The following KLHL9 variants were observed in gnomAD, a reference collection of about 807,000 sequenced individuals.
The protein encoded by KLHL9 is kelch-like protein 9.
In KLHL9, 27 loss-of-function variants were observed where a neutral mutation model predicts 42.3. The ratio of observed to expected loss-of-function variants is 0.64; its 90% CI spans 0.47 to 0.88. The LOEUF (loss-of-function observed/expected upper bound fraction) is 0.88. KLHL9 is among the 40% of genes least tolerant of loss of function. The pLI is 0.00. For missense variants in KLHL9, 629 were observed against 750.3 expected, an observed-to-expected ratio of 0.84 and a Z score of 1.89; for synonymous variants, 274 against 254.4, an observed-to-expected ratio of 1.08 and a Z score of -0.73.
rs540468523 is a variant in KLHL9 at position 21,332,148 on chromosome 9, T to C, written c.*858A>G. On this transcript the variant is annotated 3_prime_UTR_variant, in exon 1 of 1. Transcript: ENST00000359039. ...AAAATACACAAGCAGAAAACAGTAATGTAAGCTTCATCTGAAGTAACGGTT... is the reference window on the plus strand; with the variant it reads ...AAAATACACAAGCAGAAAACAGTAACGTAAGCTTCATCTGAAGTAACGGTT... The C allele has an allele frequency of 3.8e-4, 58 of 152,736 alleles. No homozygotes were observed. Among genetic ancestry groups the C allele is most frequent in the African/African-American group, 1.3e-3 (54 of 41,572 alleles). The allele number at this position is 152,736 out of a possible 1,614,324, so 9.5% of individuals were successfully genotyped here.
rs566297060 is a variant in KLHL9 at position 21,332,403 on chromosome 9, CATGT to C, written c.*599_*602del. The C allele has an allele frequency of 3.2e-5, 5 of 154,140 alleles. No individual in the cohort carries two copies. The highest frequency in any genetic ancestry group is 1.2e-4 in the African/African-American group (5 of 41,558). 9.5% of individuals were successfully genotyped at this position (154,140 alleles called of 1,614,324 possible). A position where few individuals can be genotyped will look rare whatever the true frequency, so the allele number is the denominator to read the frequency against. ...ATACATATGTATGTATGTGTGCATG[CATGT>C]ATGTTTGTATTATGTGTATTTTTTC... On this transcript the variant is annotated 3_prime_UTR_variant, in exon 1 of 1. Transcript: ENST00000359039.
chr9:21,330,678 T>C lies in KLHL9; in HGVS notation c.*2328A>G, dbSNP rs1820152703. The C allele has an allele frequency of 6.6e-6, 1 of 152,124 alleles. No homozygotes were observed. Among genetic ancestry groups the C allele is most frequent in the African/African-American group, 2.4e-5 (1 of 41,412 alleles). The allele number at this position is 152,124 out of a possible 1,614,324, so 9.4% of individuals were successfully genotyped here. A position where few individuals can be genotyped will look rare whatever the true frequency, so the allele number is the denominator to read the frequency against. ...TGTACAAAATAGAGGCAGGGCAGTA[T>C]CACCTTGATATGTCAGAATAAGCAC... On this transcript the variant is annotated 3_prime_UTR_variant, in exon 1 of 1. Coordinates refer to ENST00000359039, the MANE Select transcript of KLHL9 (RefSeq NM_018847.4).
In KLHL9 at chr9:21,331,984, T is replaced by C. The variant is rs1820179619; in HGVS notation, c.*1022A>G. 2 of 152,534 alleles carry C rather than the reference T, an allele frequency of 1.3e-5. No homozygotes were observed. The highest frequency in any genetic ancestry group is 6.5e-5 in the Admixed American group (1 of 15,276). The allele number at this position is 152,534 out of a possible 1,614,324, so 9.4% of individuals were successfully genotyped here. A position where few individuals can be genotyped will look rare whatever the true frequency, so the allele number is the denominator to read the frequency against. ...AGGCTGAACTTAAAACCCTATAGCT[T>C]TGTTCAGAATATTTTTTTCTTTGCT... On this transcript the variant is annotated 3_prime_UTR_variant, in exon 1 of 1. Transcript: ENST00000359039.
Position 21,334,539 on chromosome 9 carries a change from A to G in KLHL9, c.321T>C (p.Ile107=). The change falls in exon 1 of 1, where the codon ATT becomes ATC. Residue 107 remains isoleucine (I), a synonymous_variant. Coordinates refer to ENST00000359039, the MANE Select transcript of KLHL9 (RefSeq NM_018847.4). The surrounding 1 kb of genome is among the most constrained non-coding windows in gnomAD (Gnocchi z 5.1). The part of the protein sequence containing the change: ...GVNKVGLKKI[I]DFIYTAKLSL... ...AAAGTTTTGCAGTATAAATAAAATC[A>G]ATGATTTTCTTCAGACCAACCTTGT... 1 of 1,614,200 alleles carries G rather than the reference A, an allele frequency of 6.2e-7. No individual in the cohort carries two copies. Among genetic ancestry groups the G allele is most frequent in the Non-Finnish European group, 8.5e-7 (1 of 1,180,040 alleles).
chr9:21,332,786 AT>A lies in KLHL9; in HGVS notation c.*219del, dbSNP rs1820196436. ...TAACATCACAAAAAGACATCTAAAC[AT>A]TTTTCTACGTCTTTTTTTCATTTGT... On this transcript the variant is annotated 3_prime_UTR_variant, in exon 1 of 1. Transcript: ENST00000359039. 1.6e-6 allele frequency: 1 copy of A among 632,550 alleles called. No individual in the cohort carries two copies. Among genetic ancestry groups the A allele is most frequent in the East Asian group, 3.0e-5 (1 of 33,592 alleles). The allele number at this position is 632,550 out of a possible 1,614,324, so 39.2% of individuals were successfully genotyped here. A position where few individuals can be genotyped will look rare whatever the true frequency, so the allele number is the denominator to read the frequency against.
Position 21,334,682 on chromosome 9 carries a change from C to T in KLHL9, c.178G>A (p.Asp60Asn). The change falls in exon 1 of 1, where the codon GAT becomes AAT. Residue 60 changes from aspartate to asparagine, a missense_variant. This residue lies in a region of KLHL9 where 351 missense variants were observed against 363.1 expected (regional missense o/e 0.97). Coordinates refer to ENST00000359039, the MANE Select transcript of KLHL9 (RefSeq NM_018847.4). The surrounding 1 kb of genome is among the most constrained non-coding windows in gnomAD (Gnocchi z 5.1). ...GCTCTGTGAACAGGGAAGATTTCATCTCCATCACCTGGTACCAGGGTCACA... is the reference window on the plus strand; with the variant it reads ...GCTCTGTGAACAGGGAAGATTTCATTTCCATCACCTGGTACCAGGGTCACA... ...CDVTLVPGDG[D>N]EIFPVHRAMM... is the part of the protein sequence containing the mutation. 1 of 1,614,168 alleles carries T rather than the reference C, an allele frequency of 6.2e-7. No individual in the cohort carries two copies. The highest frequency in any genetic ancestry group is 8.5e-7 in the Non-Finnish European group (1 of 1,180,016).
rs528418291 is a variant in KLHL9 at position 21,329,968 on chromosome 9, C to G, written c.*3038G>C. 6 of 152,100 alleles carry G rather than the reference C, an allele frequency of 3.9e-5. No individual in the cohort carries two copies. The East Asian group carries it at 1.2e-3, about 29-fold the overall frequency. 9.4% of individuals were successfully genotyped at this position (152,100 alleles called of 1,614,324 possible). A position where few individuals can be genotyped will look rare whatever the true frequency, so the allele number is the denominator to read the frequency against. On this transcript the variant is annotated 3_prime_UTR_variant, in exon 1 of 1. Transcript: ENST00000359039. ...TTTATGTGCTTTTAGTTTTTATCCTCTAAATATTTTTCCAGTCTGAACTTT... is the reference window on the plus strand; with the variant it reads ...TTTATGTGCTTTTAGTTTTTATCCTGTAAATATTTTTCCAGTCTGAACTTT...
rs1299005769 is a variant in KLHL9 at position 21,333,910 on chromosome 9, A to G, written c.950T>C (p.Leu317Ser). ...TTGTGCCCTTTCATCATACATCCGT[A>G]ATTCTTTACTGACAACCAGCTGCTG... ...LRQQLVVSKELRMYDERAQEW... is the reference protein window; with the variant it reads ...LRQQLVVSKESRMYDERAQEW... The change falls in exon 1 of 1, where the codon TTA (leucine) becomes TCA (serine). Residue 317 changes from leucine to serine, a missense_variant. Leu to Ser is a moderately radical substitution (Grantham distance 145). Coordinates refer to ENST00000359039, the MANE Select transcript of KLHL9 (RefSeq NM_018847.4). The surrounding 1 kb of genome is among the most constrained non-coding windows in gnomAD (Gnocchi z 7.5). 2 of 1,614,098 alleles carry G rather than the reference A, an allele frequency of 1.2e-6. No homozygotes were observed. The highest frequency in any genetic ancestry group is 1.1e-5 in the South Asian group (1 of 91,072).
rs766297148 is a variant in KLHL9 at position 21,333,525 on chromosome 9, T to G, written c.1335A>C (p.Gly445=). 6.2e-7 allele frequency: 1 copy of G among 1,614,182 alleles called. No homozygotes were observed. The highest frequency in any genetic ancestry group is 1.1e-5 in the South Asian group (1 of 91,086). ...TTCCTCCTGAAATATACATTAAGCC[T>G]CCATATACTGTTCCAGCATGACCAT... is the stretch of plus-strand genomic sequence containing the variant. ...PHYGHAGTVY[G]GLMYISGGIT... Residue 445 remains glycine, a synonymous_variant, in exon 1 of 1, where the codon GGA becomes GGC. Transcript: ENST00000359039. The surrounding 1 kb of genome is among the most constrained non-coding windows in gnomAD (Gnocchi z 7.5).
Position 21,333,575 on chromosome 9 carries a change from C to G in KLHL9, c.1285G>C (p.Val429Leu). 10 of 1,614,228 alleles carry G rather than the reference C, an allele frequency of 6.2e-6. No homozygotes were observed. Among genetic ancestry groups the G allele is most frequent in the Non-Finnish European group, 8.5e-6 (10 of 1,180,042 alleles). Reference protein sequence around the residue: ...YNPRMNEWSYVAKMSEPHYGH... With the variant: ...YNPRMNEWSYLAKMSEPHYGH... ...TAGTGGGGTTCACTCATTTTTGCAA[C>G]ATAGCTCCACTCATTCATTCTTGGG... is the stretch of plus-strand genomic sequence containing the variant. The change falls in exon 1 of 1, where the codon GTT becomes CTT. Residue 429 changes from valine (V) to leucine (L), a missense_variant. By Grantham distance (32) the Val-to-Leu change is conservative. This residue lies in a region of KLHL9 where 214 missense variants were observed against 305.8 expected (regional missense o/e 0.70). Transcript: ENST00000359039. The surrounding 1 kb of genome is among the most constrained non-coding windows in gnomAD (Gnocchi z 7.5).
In KLHL9 at chr9:21,332,796, GTC is replaced by G. The variant is rs1485918627; in HGVS notation, c.*208_*209del. The stretch of plus-strand genomic sequence containing the variant: ...AAAAGACATCTAAACATTTTTCTAC[GTC>G]TTTTTTTCATTTGTTAAAACAGCTA... On this transcript the variant is annotated 3_prime_UTR_variant, in exon 1 of 1. Transcript: ENST00000359039. 7.5e-6 allele frequency: 5 copies of G among 662,482 alleles called. No homozygotes were observed. Among genetic ancestry groups the G allele is most frequent in the Non-Finnish European group, 1.2e-5 (5 of 430,528 alleles). 41.0% of individuals were successfully genotyped at this position (662,482 alleles called of 1,614,324 possible). A position where few individuals can be genotyped will look rare whatever the true frequency, so the allele number is the denominator to read the frequency against.
Position 21,335,079 on chromosome 9 carries a change from A to G in KLHL9, c.-220T>C. The stretch of plus-strand genomic sequence containing the variant: ...GCTGTGGACCTCAAATCTGATTATT[A>G]GACAGATGATTCATCACCTGAAGGC... On this transcript the variant is annotated 5_prime_UTR_variant, in exon 1 of 1. Transcript: ENST00000359039. The G allele has an allele frequency of 1.6e-6, 1 of 606,688 alleles. No homozygotes were observed. Among genetic ancestry groups the G allele is most frequent in the East Asian group, 2.8e-5 (1 of 35,296 alleles). 37.6% of individuals were successfully genotyped at this position (606,688 alleles called of 1,614,324 possible).
At position 21,332,780 on chromosome 9, in the gene KLHL9, C is replaced by G. The variant is rs1820196233; in HGVS notation, c.*226G>C. On this transcript the variant is annotated 3_prime_UTR_variant, in exon 1 of 1. Coordinates refer to ENST00000359039, the MANE Select transcript of KLHL9 (RefSeq NM_018847.4). ...TTTATATAACATCACAAAAAGACAT[C>G]TAAACATTTTTCTACGTCTTTTTTT... 1.7e-6 allele frequency: 1 copy of G among 590,168 alleles called. No homozygotes were observed. The allele number at this position is 590,168 out of a possible 1,614,324, so 36.6% of individuals were successfully genotyped here. A position where few individuals can be genotyped will look rare whatever the true frequency, so the allele number is the denominator to read the frequency against.
Position 21,334,787 on chromosome 9 carries a change from G to C in KLHL9, c.73C>G (p.Arg25Gly), listed in dbSNP as rs764764934. The C allele has an allele frequency of 1.2e-6, 2 of 1,612,984 alleles. No homozygotes were observed. The highest frequency in any genetic ancestry group is 1.1e-5 in the South Asian group (1 of 90,942). The change falls in exon 1 of 1, where the codon CGC (arginine) becomes GGC (glycine). Residue 25 changes from arginine (R) to glycine (G), a missense_variant. By Grantham distance (125) the Arg-to-Gly change is moderately radical. Around this residue, in one of 4 missense-constraint regions of KLHL9, gnomAD observed 351 missense variants for 363.1 expected, o/e 0.97. Coordinates refer to ENST00000359039, the MANE Select transcript of KLHL9 (RefSeq NM_018847.4). This position sits in a 1 kb window ranked among gnomAD's most constrained non-coding sequence, Gnocchi z 5.1. Reference protein sequence around the residue: ...HLQPCKAGTTRFFTSNTHSSV... With the variant: ...HLQPCKAGTTGFFTSNTHSSV... ...CTGTGAGTATTGCTGGTAAAAAAGC[G>C]TGTGGTTCCTGCCTTACAAGGCTGC...
In KLHL9 at chr9:21,334,617, G is replaced by A; in HGVS notation, c.243C>T (p.Phe81=). 6.2e-7 allele frequency: 1 copy of A among 1,614,132 alleles called. No individual in the cohort carries two copies. Among genetic ancestry groups the A allele is most frequent in the Non-Finnish European group, 8.5e-7 (1 of 1,180,018 alleles). ...ASASDYFKAM[F]TGGMKEQDLM... ...AATCTTGTTCTTTCATTCCACCTGT[G>A]AACATGGCTTTGAAATAATCACTAG... Residue 81 remains phenylalanine (F), a synonymous_variant, in exon 1 of 1, where the codon TTC becomes TTT. Transcript: ENST00000359039. The surrounding 1 kb of genome is among the most constrained non-coding windows in gnomAD (Gnocchi z 5.1).
At position 21,334,161 on chromosome 9, in the gene KLHL9, A is replaced by G. The variant is rs370613565; in HGVS notation, c.699T>C (p.Ala233=). The stretch of plus-strand genomic sequence containing the variant: ...ATCGAATATTCTTCATTAACTTTGC[A>G]GCATAATCCATCCGAGGGTCTTCCA... The part of the protein sequence containing the change: ...LRLEDPRMDY[A]AKLMKNIRFP... The change falls in exon 1 of 1, where the codon GCT becomes GCC. Residue 233 remains alanine (A), a synonymous_variant. Transcript: ENST00000359039. The surrounding 1 kb of genome is among the most constrained non-coding windows in gnomAD (Gnocchi z 5.1). The G allele has an allele frequency of 6.2e-7, 1 of 1,614,130 alleles. No individual in the cohort carries two copies. Among genetic ancestry groups the G allele is most frequent in the Non-Finnish European group, 8.5e-7 (1 of 1,180,062 alleles).
In KLHL9 at chr9:21,332,040, T is replaced by G. The variant is rs1189050791; in HGVS notation, c.*966A>C. 4 of 152,308 alleles carry G rather than the reference T, an allele frequency of 2.6e-5. No individual in the cohort carries two copies. Among genetic ancestry groups the G allele is most frequent in the African/African-American group, 9.7e-5 (4 of 41,408 alleles). 9.4% of individuals were successfully genotyped at this position (152,308 alleles called of 1,614,324 possible). A position where few individuals can be genotyped will look rare whatever the true frequency, so the allele number is the denominator to read the frequency against. ...CATTAAGTTTTACTGACCAAAAAGG[T>G]GGAAAAAAGAACCTAAATTTTCTGC... On this transcript the variant is annotated 3_prime_UTR_variant, in exon 1 of 1. Coordinates refer to ENST00000359039, the MANE Select transcript of KLHL9 (RefSeq NM_018847.4).
At position 21,330,749 on chromosome 9, in the gene KLHL9, C is replaced by G. The variant is rs936849993; in HGVS notation, c.*2257G>C. ...AAACCATATCAAAATTATCCCCTAA[C>G]CCCATCTCTACTAAAAATACAAAAT... On this transcript the variant is annotated 3_prime_UTR_variant, in exon 1 of 1. Coordinates refer to ENST00000359039, the MANE Select transcript of KLHL9 (RefSeq NM_018847.4). 6.6e-6 allele frequency: 1 copy of G among 152,010 alleles called. No individual in the cohort carries two copies. The highest frequency in any genetic ancestry group is 1.5e-5 in the Non-Finnish European group (1 of 68,014). The allele number at this position is 152,010 out of a possible 1,614,324, so 9.4% of individuals were successfully genotyped here.
chr9:21,334,098 C>A lies in KLHL9; in HGVS notation c.762G>T (p.Val254=). The A allele has an allele frequency of 6.2e-7, 1 of 1,614,170 alleles. No individual in the cohort carries two copies. The highest frequency in any genetic ancestry group is 8.5e-7 in the Non-Finnish European group (1 of 1,180,032). Residue 254 remains valine, a synonymous_variant, in exon 1 of 1, where the codon GTG becomes GTT. Transcript: ENST00000359039. The surrounding 1 kb of genome is among the most constrained non-coding windows in gnomAD (Gnocchi z 5.1). ...LMTPQDLINY[V]QTVDFMRTDN... ...CTGTTCTCATGAAATCTACTGTCTG[C>A]ACGTAATTGATGAGATCCTGTGGTG...
Sources: gnomAD v4.1 joint callset for allele counts on GRCh38, gnomAD v4.1.1 for gene constraint, gnomAD v4.1.1 regional missense constraint, Gnocchi (gnomAD v3.1) non-coding constraint, MANE v1.5 for transcripts, NCBI Gene and HGNC (gene_info 2026-07-23, HGNC 2026-07-21) for gene names.